The following MCU variants were observed in gnomAD, a reference collection of about 807,000 sequenced individuals.
MCU encodes mitochondrial calcium uniporter, also known as calcium uniporter protein, mitochondrial.
In MCU, 12 loss-of-function variants were observed where a neutral mutation model predicts 45.2. The ratio of observed to expected loss-of-function variants is 0.27; its 90% CI spans 0.17 to 0.43. The LOEUF (loss-of-function observed/expected upper bound fraction) is 0.43, where lower values mean the gene tolerates loss of function less well. Ranked by LOEUF, MCU falls within the 20% of genes least tolerant of loss-of-function variation. The pLI is 1.00. For synonymous variants in MCU, 160 were observed against 165.1 expected, an observed-to-expected ratio of 0.97 and a Z score of 0.24; for missense variants, 324 against 436.7, an observed-to-expected ratio of 0.74 and a Z score of 2.30.
chr10:72,873,343 C>G (rs980797505), intron 6 of MCU, among the ~76,000 whole-genome samples: 1 of 151,874 alleles, frequency 6.6e-6, no homozygotes, highest in African/African-American at 2.4e-5. Flanking sequence ...ATTTGTATTC[C>G]CTGATGATTA....
At chr10:72,762,465 A>T (rs1398551067) in intron 1 of MCU, among the ~76,000 whole-genome samples, 1 of 152,064 alleles carries the variant, frequency 6.6e-6, no homozygotes, top group Non-Finnish European at 1.5e-5. Flanking sequence ...TGCAAGTTCC[A>T]TGGAAAGACT....
chr10:72,763,038 A>G (rs1843676951), intron 1 of MCU, among the ~76,000 whole-genome samples: 1 of 151,766 alleles, frequency 6.6e-6, no homozygotes, highest in Admixed American at 6.6e-5. Context: ...TCCATCTTCA[A>G]AGCTAGTGTT....
chr10:72,757,828 C>G (rs1355707779), intron 1 of MCU, among the ~76,000 whole-genome samples: 4 of 152,156 alleles, frequency 2.6e-5, no homozygotes, highest in Non-Finnish European at 5.9e-5. Flanking sequence ...TGACAAATGA[C>G]AGATTAACAA....
intron 1 of MCU, among the ~76,000 whole-genome samples, chr10:72,825,941 G>T (rs1326908196): frequency 6.6e-6 from 1 of 152,176 alleles, no homozygotes; most frequent in South Asian, 2.1e-4. Flanking sequence ...GAAACTCAAC[G>T]CATTGGTTTC....
At chr10:72,714,241 A>C (rs906397068) in intron 1 of MCU, among the ~76,000 whole-genome samples, 1 of 151,580 alleles carries the variant, frequency 6.6e-6, no homozygotes, top group Admixed American at 6.6e-5. Context: ...CTGGGATTAC[A>C]GGCATGAGCT....
At chr10:72,866,320 A>G (rs1206055257) in intron 4 of MCU, among the ~76,000 whole-genome samples, 1 of 152,192 alleles carries the variant, frequency 6.6e-6, no homozygotes, top group African/African-American at 2.4e-5. Flanking sequence ...CCCGTGTTGC[A>G]ACGCTTTAGT....
At chr10:72,740,984 G>T (rs1843320267) in intron 1 of MCU, among the ~76,000 whole-genome samples, 1 of 151,934 alleles carries the variant, frequency 6.6e-6, no homozygotes, top group South Asian at 2.1e-4. Flanking sequence ...TATTTACTTA[G>T]TCATGCATTT....
At chr10:72,804,898 A>G (rs1356704612) in intron 1 of MCU, among the ~76,000 whole-genome samples, 1 of 152,114 alleles carries the variant, frequency 6.6e-6, no homozygotes, top group East Asian at 1.9e-4. Context: ...CAGCCTTCCA[A>G]GTAGCTGGGA....
chr10:72,790,996 C>T (rs1844150103), intron 1 of MCU, among the ~76,000 whole-genome samples: 1 of 152,138 alleles, frequency 6.6e-6, no homozygotes, highest in South Asian at 2.1e-4. Context: ...AGTGTATATT[C>T]TTCAGAGTGA....
chr10:72,801,225 C>T (rs1248568485), intron 1 of MCU, among the ~76,000 whole-genome samples: 1 of 152,012 alleles, frequency 6.6e-6, no homozygotes, highest in Non-Finnish European at 1.5e-5. Flanking sequence ...ATTTATAGTA[C>T]TTTTCGTGTT....
intron 1 of MCU, among the ~76,000 whole-genome samples, chr10:72,717,163 G>A (rs1842965335): frequency 1.4e-5 from 2 of 145,514 alleles, no homozygotes; most frequent in Admixed American, 6.9e-5. Context: ...TAAAAGCAAA[G>A]ACTCAATGAT....
intron 1 of MCU, among the ~76,000 whole-genome samples, chr10:72,806,424 T>C (rs1036592594): frequency 5.3e-5 from 8 of 152,150 alleles, no homozygotes; most frequent in Non-Finnish European, 7.3e-5. Context: ...CCTCCCAAAG[T>C]GCTGGAATTA....
intron 1 of MCU, among the ~76,000 whole-genome samples, chr10:72,699,415 G>A (rs1246787402): frequency 1.3e-5 from 2 of 151,986 alleles, no homozygotes; most frequent in Admixed American, 6.6e-5. Flanking sequence ...GCTGAGGCAG[G>A]AGAATTGCTT....
intron 1 of MCU, among the ~76,000 whole-genome samples, chr10:72,783,031 G>A (rs1844018704): frequency 6.6e-6 from 1 of 152,168 alleles, no homozygotes; most frequent in Non-Finnish European, 1.5e-5. Context: ...GGAGTTTCTG[G>A]CCATGGAAAA....
At chr10:72,862,940 G>A (rs1016345716) in intron 4 of MCU, among the ~76,000 whole-genome samples, 1 of 151,524 alleles carries the variant, frequency 6.6e-6, no homozygotes, top group Non-Finnish European at 1.5e-5. Flanking sequence ...AGAAAGAATT[G>A]GGTCTAACAT....
At chr10:72,863,550 A>C (rs1465274795) in intron 4 of MCU, among the ~76,000 whole-genome samples, 2 of 152,238 alleles carry the variant, frequency 1.3e-5, no homozygotes, top group Non-Finnish European at 2.9e-5. Flanking sequence ...CATAACCTAG[A>C]AATATCCAAA....
intron 1 of MCU, among the ~76,000 whole-genome samples, chr10:72,788,073 G>A (rs534801043): frequency 5.9e-5 from 9 of 152,336 alleles, no homozygotes; most frequent in African/African-American, 1.9e-4. Context: ...GATAGGCAAT[G>A]AGTTGATACC....
intron 1 of MCU, chr10:72,760,451 A>G (rs1272743372): frequency 6.6e-6 from 1 of 152,174 alleles, no homozygotes; most frequent in African/African-American, 2.4e-5. Flanking sequence ...GTGAGCACTT[A>G]ACACCAGGGC....
chr10:72,722,263 C>T (rs940296442), intron 1 of MCU, among the ~76,000 whole-genome samples: 7 of 126,010 alleles, frequency 5.6e-5, no homozygotes, highest in South Asian at 2.6e-4. Context: ...TTGCAGTGAG[C>T]GGAGATTGCA....
Sources: allele counts gnomAD v4.1 joint callset (sites outside exome capture counted in the v4.1 genomes callset), GRCh38; gene constraint gnomAD v4.1.1; transcripts MANE v1.5; gene names NCBI Gene and HGNC (gene_info 2026-07-23, HGNC 2026-07-21).